CSMD1: variants seen among roughly 807,000 people sequenced by gnomAD.
CSMD1 encodes CUB and Sushi multiple domains 1, also known as CUB and sushi domain-containing protein 1.
A neutral mutation model predicts 417.5 loss-of-function variants in CSMD1; 213 were observed. The observed-to-expected ratio is 0.51, with a 90% CI of 0.46 to 0.57. CSMD1 has a LOEUF of 0.57. Among genes scored for constraint, CSMD1 ranks in the 20% least tolerant of loss-of-function variants. The pLI is 0.00. For missense variants in CSMD1, 6,923 were observed against 4,529.7 expected, an observed-to-expected ratio of 1.53 and a Z score of -15.17; for synonymous variants, 2,862 against 1,736.8, an observed-to-expected ratio of 1.65 and a Z score of -16.11.
intron 5 of CSMD1, among the ~76,000 whole-genome samples, chr8:3,818,673 A>T (rs1801537057): frequency 6.6e-6 from 1 of 152,206 alleles, no homozygotes; most frequent in Non-Finnish European, 1.5e-5. Flanking sequence ...AGCAATGATG[A>T]CCTTCTGAAG....
Position 3,621,750 on chromosome 8 carries a change from TTTATTA to T in CSMD1, c.1010-4959_1010-4954del, listed in dbSNP as rs1222963413. On this transcript the variant is annotated intron_variant, in intron 7 of 69. Coordinates refer to ENST00000635120, the MANE Select transcript of CSMD1 (RefSeq NM_033225.6). ...GCATGCCACCACTCCCAGCTAATGT[TTTATTA>T]TTATTATTATTTTATTATTATTATT... Among the ~76,000 whole-genome samples the T allele has an allele frequency of 2.0e-5, 3 of 151,190 alleles. No homozygotes were observed. In the East Asian group the frequency reaches 5.8e-4, roughly 29 times the overall value.
At chr8:3,730,998 A>G (rs937906513) in intron 6 of CSMD1, among the ~76,000 whole-genome samples, 1 of 152,198 alleles carries the variant, frequency 6.6e-6, no homozygotes, top group African/African-American at 2.4e-5. Context: ...AAAATTACAG[A>G]TAAAAGTGAA....
chr8:4,470,139 G>C (rs762364522), intron 2 of CSMD1, among the ~76,000 whole-genome samples: 2 of 152,000 alleles, frequency 1.3e-5, no homozygotes, highest in Non-Finnish European at 2.9e-5. Flanking sequence ...CAAAGGGCTG[G>C]GATTACAGGT....
chr8:3,586,309 C>T, intron 8 of CSMD1, 49 bp from the exon 9 acceptor site: 1 of 1,473,582 alleles, frequency 6.8e-7, no homozygotes, highest in Non-Finnish European at 9.0e-7. Context: ...TTACAGAAGA[C>T]TTCTTTAGGA....
chr8:4,713,384 G>A (rs1481728217), intron 1 of CSMD1, among the ~76,000 whole-genome samples: 1 of 147,300 alleles, frequency 6.8e-6, no homozygotes. Flanking sequence ...TTTTTGTTTT[G>A]TTTTGTTTTG....
intron 3 of CSMD1, among the ~76,000 whole-genome samples, chr8:4,078,878 T>TTAG (rs1563094857): frequency 7.9e-6 from 1 of 126,668 alleles, no homozygotes; most frequent in Non-Finnish European, 1.6e-5. Flanking sequence ...TCTACTAAAA[T>TTAG]TAATAATAAT....
intron 26 of CSMD1, among the ~76,000 whole-genome samples, chr8:3,283,213 C>T (rs1158266058): frequency 6.6e-6 from 1 of 152,022 alleles, no homozygotes; most frequent in Non-Finnish European, 1.5e-5. Flanking sequence ...CCGTCCTGAA[C>T]CGGGAAGTTG....
rs375610770 is a variant in CSMD1 at position 4,870,684 on chromosome 8, C to T, written c.85+123648G>A. ...AAACAGAGTACAGAAGTAGGGAGAGCAAAGGGAAGATGTCACGGGACAAAG... is the reference window on the plus strand; with the variant it reads ...AAACAGAGTACAGAAGTAGGGAGAGTAAAGGGAAGATGTCACGGGACAAAG... On this transcript the variant is annotated intron_variant, in intron 1 of 69. Coordinates refer to ENST00000635120, the MANE Select transcript of CSMD1 (RefSeq NM_033225.6). Among the ~76,000 whole-genome samples, 40 of 152,196 alleles carry T rather than the reference C, an allele frequency of 2.6e-4. No individual in the cohort carries two copies. In the East Asian group the frequency reaches 6.2e-3, roughly 24 times the overall value.
At chr8:3,364,126 T>G (rs1466024987) in intron 20 of CSMD1, among the ~76,000 whole-genome samples, 6 of 152,144 alleles carry the variant, frequency 3.9e-5, no homozygotes, top group Non-Finnish European at 8.8e-5. Context: ...ATGCCTCATT[T>G]GTATAATAAA....
chr8:4,151,832 G>A (rs911234484), intron 3 of CSMD1, among the ~76,000 whole-genome samples: 8 of 152,046 alleles, frequency 5.3e-5, no homozygotes, highest in African/African-American at 1.9e-4. Context: ...TATATATATA[G>A]CATGAATCAA....
intron 2 of CSMD1, among the ~76,000 whole-genome samples, chr8:4,474,329 G>A (rs993720290): frequency 6.6e-6 from 1 of 152,182 alleles, no homozygotes; most frequent in African/African-American, 2.4e-5. Context: ...ATACCACTCA[G>A]ACATTATAAG....
chr8:3,899,507 T>G (rs1807586293), intron 5 of CSMD1, among the ~76,000 whole-genome samples: 1 of 152,138 alleles, frequency 6.6e-6, no homozygotes, highest in Admixed American at 6.5e-5. Flanking sequence ...AGGACCCTCA[T>G]TTTGGATGCT....
intron 12 of CSMD1, among the ~76,000 whole-genome samples, chr8:3,425,047 C>G (rs1040699860): frequency 1.7e-4 from 26 of 152,208 alleles, no homozygotes; most frequent in African/African-American, 6.3e-4. Flanking sequence ...ACTATGTTGA[C>G]CAGCCTGGTT....
chr8:3,199,883 G>T (rs1041924373), intron 32 of CSMD1, 74 bp from the exon 33 acceptor site: 4 of 829,862 alleles, frequency 4.8e-6, no homozygotes, highest in Non-Finnish European at 5.7e-6. Flanking sequence ...GGAAAATGGT[G>T]ATAAAGTTGA....
At chr8:3,247,534 A>G (rs889786866) in intron 26 of CSMD1, among the ~76,000 whole-genome samples, 1 of 152,210 alleles carries the variant, frequency 6.6e-6, no homozygotes, top group Non-Finnish European at 1.5e-5. Context: ...GCTCAGGTCC[A>G]TCTGGGCCAG....
chr8:3,581,291 C>T (rs762122458), intron 9 of CSMD1, among the ~76,000 whole-genome samples: 1 of 152,164 alleles, frequency 6.6e-6, no homozygotes, highest in African/African-American at 2.4e-5. Flanking sequence ...TAATGTCTTA[C>T]CCTGCAAAAA....
At chr8:3,825,091 T>G (rs1403476966) in intron 5 of CSMD1, among the ~76,000 whole-genome samples, 5 of 152,154 alleles carry the variant, frequency 3.3e-5, no homozygotes, top group Non-Finnish European at 5.9e-5. Flanking sequence ...CTTTATTTCT[T>G]CAGGCCAGGC....
rs763105219 is a variant in CSMD1, at chr8:3,399,506, C to T, written c.2290G>A (p.Ala764Thr). 1 of 1,601,076 alleles carries T rather than the reference C, an allele frequency of 6.2e-7. No individual in the cohort carries two copies. Among genetic ancestry groups the T allele is most frequent in the East Asian group, 2.2e-5 (1 of 44,480 alleles). ...CEAPCGGHLT[A>T]SSGVILPPGW... ...GGAGGCAAAATGACTCCGCTGGACG[C>T]TGTCAGATGTCCACCACATGGAGCT... Residue 764 changes from alanine (A) to threonine (T), a missense_variant, in exon 16 of 70, where the codon GCG (alanine) becomes ACG (threonine). Physicochemically the swap from Ala to Thr is moderately conservative, Grantham distance 58. Transcript: ENST00000635120.
At chr8:3,314,362 G>T (rs1039528852) in intron 23 of CSMD1, among the ~76,000 whole-genome samples, 2 of 152,138 alleles carry the variant, frequency 1.3e-5, no homozygotes, top group African/African-American at 2.4e-5. Context: ...ACTTTTGACT[G>T]ATCAATTTTA....
Sources: allele counts gnomAD v4.1 joint callset (sites outside exome capture counted in the v4.1 genomes callset), GRCh38; gene constraint gnomAD v4.1.1; transcripts MANE v1.5; gene names NCBI Gene and HGNC (gene_info 2026-07-23, HGNC 2026-07-21).